Variants in ANKFN1 observed in about 807,000 individuals in gnomAD.
The protein encoded by ANKFN1 is ankyrin repeat and fibronectin type-III domain-containing protein 1.
Under a neutral mutation model 108.7 loss-of-function variants are expected in ANKFN1, and 74 were observed. That is an observed-to-expected ratio of 0.68 (90% CI 0.56 to 0.83). The LOEUF is 0.83. ANKFN1 is among the 40% of genes least tolerant of loss of function. The pLI is 0.00. For synonymous variants in ANKFN1, 547 were observed against 516.2 expected (o/e 1.06, Z -0.81); for missense variants, 1,505 against 1,382.3 (o/e 1.09, Z -1.41).
At chr17:56,106,254 G>GC (rs1227314517) in intron 4 of ANKFN1, among the ~76,000 whole-genome samples, 1 of 152,126 alleles carries the variant, frequency 6.6e-6, no homozygotes, top group African/African-American at 2.4e-5. Context: ...AATAACCTCT[G>GC]CCCCACCCAT....
intron 4 of ANKFN1, among the ~76,000 whole-genome samples, chr17:56,103,287 G>T (rs1349126237): frequency 6.6e-6 from 1 of 152,220 alleles, no homozygotes; most frequent in African/African-American, 2.4e-5. Context: ...AAGAACAAGA[G>T]GAGCAGAGCT....
chr17:56,280,008 C>CT (rs3086033), intron 3 of ANKFN1, among the ~76,000 whole-genome samples: 11,919 of 134,736 alleles, frequency 0.088, 732 homozygotes, highest in Non-Finnish European at 0.14. Flanking sequence ...CACATAATGT[C>CT]TTTTTTTTTT....
chr17:56,112,686 G>A (rs964308658), intron 4 of ANKFN1, among the ~76,000 whole-genome samples: 5 of 152,112 alleles, frequency 3.3e-5, no homozygotes, highest in African/African-American at 1.2e-4. Context: ...ATATATTTTG[G>A]TCTGCAACAA....
intron 6 of ANKFN1, among the ~76,000 whole-genome samples, chr17:56,356,039 A>G (rs1351482045): frequency 6.6e-6 from 1 of 152,144 alleles, no homozygotes; most frequent in African/African-American, 2.4e-5. Flanking sequence ...TAACAGAATT[A>G]TATAATATAT....
chr17:56,061,263 T>TTC (rs1904969890), intron 4 of ANKFN1, among the ~76,000 whole-genome samples: 1 of 114,448 alleles, frequency 8.7e-6, no homozygotes, highest in Non-Finnish European at 1.7e-5. Flanking sequence ...ATGGTAGTTT[T>TTC]TCTTTTTTTT....
chr17:56,395,441 A>T (rs1305390153), intron 8 of ANKFN1, among the ~76,000 whole-genome samples: 2 of 152,232 alleles, frequency 1.3e-5, no homozygotes, highest in Non-Finnish European at 2.9e-5. Flanking sequence ...CATAGGTGTC[A>T]GCCTCCCAAA....
chr17:56,112,776 A>G (rs1906040173), intron 4 of ANKFN1, among the ~76,000 whole-genome samples: 1 of 152,334 alleles, frequency 6.6e-6, no homozygotes, highest in African/African-American at 2.4e-5. Context: ...TAAACATTGT[A>G]TAGTGTTCCA....
intron 1 of ANKFN1, among the ~76,000 whole-genome samples, chr17:56,180,388 C>T (rs1911581114): frequency 6.6e-6 from 1 of 152,116 alleles, no homozygotes; most frequent in Non-Finnish European, 1.5e-5. Context: ...CCATTCTTAC[C>T]TCCTCACATT....
At chr17:56,378,748 C>T (rs920802642) in intron 8 of ANKFN1, among the ~76,000 whole-genome samples, 2 of 152,136 alleles carry the variant, frequency 1.3e-5, no homozygotes, top group African/African-American at 4.8e-5. Flanking sequence ...AGTGGATTAA[C>T]ATTTTTTGTG....
At position 56,498,948 on chromosome 17, in the gene ANKFN1, C is replaced by A. The variant is rs1373931860; in HGVS notation, c.2494C>A (p.Gln832Lys). ...MDALQYARYK[Q>K]PVSGLPITKL... ...TGCTCTACAGTATGCAAGATACAAA[C>A]AACCAGTTTCTGGCTTGCCCATCAC... is the stretch of plus-strand genomic sequence containing the variant. The change falls in exon 20 of 21, where the codon CAA becomes AAA. Residue 832 changes from glutamine (Q) to lysine (K), a missense_variant. By Grantham distance (53) the Gln-to-Lys change is moderately conservative. Transcript: ENST00000682825. The A allele has an allele frequency of 1.3e-6, 2 of 1,535,684 alleles. No individual in the cohort carries two copies. Among genetic ancestry groups the A allele is most frequent in the Non-Finnish European group, 1.7e-6 (2 of 1,146,608 alleles).
At position 56,094,769 on chromosome 17, in the gene ANKFN1, C is replaced by G. The variant is rs190729749; in HGVS notation, c.288+48444C>G. On this transcript the variant is annotated intron_variant, in intron 4 of 12. Transcript: ENST00000635860. ...TCTCCTGACTTCGTGATCCACCCAC[C>G]TTGACCTCCCAAAGTGTCGGGATTA... Among the ~76,000 whole-genome samples, 582 of 149,972 alleles carry G rather than the reference C, an allele frequency of 3.9e-3. 24 individuals carry two copies. Among genetic ancestry groups the G allele is most frequent in the Middle Eastern group, 0.021 (6 of 286 alleles).
intron 4 of ANKFN1, among the ~76,000 whole-genome samples, chr17:56,104,677 A>G (rs1159737930): frequency 1.3e-5 from 2 of 152,212 alleles, no homozygotes; most frequent in African/African-American, 4.8e-5. Flanking sequence ...AATACAAGAC[A>G]GATAGCAGTG....
At chr17:56,169,032 A>ACTCC (rs1910408321) in intron 1 of ANKFN1, among the ~76,000 whole-genome samples, 1 of 152,146 alleles carries the variant, frequency 6.6e-6, no homozygotes. Flanking sequence ...ATGATCCAGA[A>ACTCC]GGCAGGGGGA....
chr17:56,336,353 T>G (rs2045810393), intron 4 of ANKFN1, among the ~76,000 whole-genome samples: 1 of 152,198 alleles, frequency 6.6e-6, no homozygotes, highest in African/African-American at 2.4e-5. Context: ...GGTCCTGGAC[T>G]CTTTTTGGTT....
At position 56,353,969 on chromosome 17, in the gene ANKFN1, TG is replaced by T; in HGVS notation, c.526del (p.Asp176IlefsTer5). On this transcript the variant is annotated frameshift_variant, in exon 6 of 21. Coordinates refer to ENST00000682825, the MANE Select transcript of ANKFN1 (RefSeq NM_001370326.1). LOFTEE classifies it high-confidence loss of function. ...NTPNSEGLTP[L>X]DIAIMTNNVP... ...CCTAACAGCGAGGGCTTGACACCCCTGGATATTGCCATCATGACCAACAATG... is the reference window on the plus strand; with the variant it reads ...CCTAACAGCGAGGGCTTGACACCCCTGATATTGCCATCATGACCAACAATG... 6.2e-7 allele frequency: 1 copy of T among 1,613,996 alleles called. No individual in the cohort carries two copies. The highest frequency in any genetic ancestry group is 8.5e-7 in the Non-Finnish European group (1 of 1,179,966).
chr17:56,064,930 C>T (rs1187625215), intron 4 of ANKFN1, among the ~76,000 whole-genome samples: 2 of 152,194 alleles, frequency 1.3e-5, no homozygotes, highest in Non-Finnish European at 2.9e-5. Flanking sequence ...ACCTAGGTAG[C>T]ACATTCACTC....
chr17:56,365,298 A>T (rs1466063061), intron 6 of ANKFN1, among the ~76,000 whole-genome samples: 1 of 152,180 alleles, frequency 6.6e-6, no homozygotes, highest in African/African-American at 2.4e-5. Context: ...ATTTGAGGCA[A>T]GAGGGGTTTT....
chr17:56,302,707 CA>C (rs1598378412), intron 3 of ANKFN1, among the ~76,000 whole-genome samples: 1 of 152,040 alleles, frequency 6.6e-6, no homozygotes, highest in African/African-American at 2.4e-5. Context: ...GTTAATAAGA[CA>C]GAGTATATAT....
intron 4 of ANKFN1, among the ~76,000 whole-genome samples, chr17:56,131,906 A>G (rs1907306094): frequency 6.6e-6 from 1 of 152,224 alleles, no homozygotes; most frequent in Admixed American, 6.5e-5. Context: ...ATCTTTGATC[A>G]TATGAAGACT....
Sources: gnomAD v4.1 joint callset for allele counts (sites outside exome capture counted in the v4.1 genomes callset) on GRCh38, gnomAD v4.1.1 for gene constraint, MANE v1.5 for transcripts, NCBI Gene and HGNC (gene_info 2026-07-23, HGNC 2026-07-21) for gene names.